CNTLN: variants seen among roughly 807,000 people sequenced by gnomAD.
CNTLN encodes the protein centlein, also known as centlein, centrosomal protein.
Under a neutral mutation model 180.0 loss-of-function variants are expected in CNTLN, and 212 were observed. The ratio of observed to expected loss-of-function variants is 1.18; its 90% confidence interval spans 1.05 to 1.32. CNTLN has a LOEUF of 1.32. Ranked by LOEUF, CNTLN falls within the 40% of genes most tolerant of loss-of-function variation. The probability of loss-of-function intolerance (pLI) is 0.00; values close to 1 mark genes in which losing one functional copy is unlikely to be tolerated. For missense variants in CNTLN, 2,095 were observed against 1,610.9 expected (o/e 1.30, Z -5.14); for synonymous variants, 722 against 563.1 (o/e 1.28, Z -3.99).
At chr9:17,303,333 G>A (rs1297179067) in intron 7 of CNTLN, among the ~76,000 whole-genome samples, 1 of 152,046 alleles carries the variant, frequency 6.6e-6, no homozygotes, top group African/African-American at 2.4e-5. Flanking sequence ...TCTAATGTTG[G>A]AATATTTATC....
chr9:17,152,152 C>G (rs1818932684), intron 2 of CNTLN, among the ~76,000 whole-genome samples: 1 of 152,150 alleles, frequency 6.6e-6, no homozygotes, highest in Non-Finnish European at 1.5e-5. Flanking sequence ...TTTTGTGTCT[C>G]TATTTCCTTC....
intron 12 of CNTLN, among the ~76,000 whole-genome samples, chr9:17,362,103 T>G (rs1394609767): frequency 6.6e-6 from 1 of 152,206 alleles, no homozygotes; most frequent in Non-Finnish European, 1.5e-5. Context: ...GGACTGTGTG[T>G]GTTCTTTCCA....
At chr9:17,283,230 T>C (rs1264636522) in intron 6 of CNTLN, among the ~76,000 whole-genome samples, 1 of 152,188 alleles carries the variant, frequency 6.6e-6, no homozygotes, top group Non-Finnish European at 1.5e-5. Context: ...GCATGGAATG[T>C]TTTTTCATTT....
chr9:17,331,672 T>G (rs1342325725), intron 9 of CNTLN, among the ~76,000 whole-genome samples: 1 of 152,018 alleles, frequency 6.6e-6, no homozygotes, highest in Non-Finnish European at 1.5e-5. Context: ...GAACCATGTT[T>G]CTGTGGTACT....
Position 17,253,228 on chromosome 9 carries a change from C to A in CNTLN, c.849+16640C>A, listed in dbSNP as rs149787187. On this transcript the variant is annotated intron_variant, in intron 5 of 25. Transcript: ENST00000380647. The stretch of plus-strand genomic sequence containing the variant: ...TCATACCTCCAGCTTGGTTCTTTTG[C>A]TCAGGATTGCTTTGGGTATTCAGGC... Among the ~76,000 whole-genome samples, 289 of 151,822 alleles carry A rather than the reference C, an allele frequency of 1.9e-3. 1 individual carries two copies. Among genetic ancestry groups the A allele is most frequent in the African/African-American group, 6.7e-3 (280 of 41,500 alleles).
At position 17,305,100 on chromosome 9, in the gene CNTLN, G is replaced by A. The variant is rs140396831; in HGVS notation, c.1147-3958G>A. 5.0e-3 allele frequency among the ~76,000 whole-genome samples: 761 copies of A among 152,048 alleles called. 4 individuals carry two copies. Among genetic ancestry groups the A allele is most frequent in the African/African-American group, 0.017 (699 of 41,508 alleles). On this transcript the variant is annotated intron_variant, in intron 7 of 25. Coordinates refer to ENST00000380647, the MANE Select transcript of CNTLN (RefSeq NM_017738.4). ...GTTCTTTAACACTAATAAAATATTC[G>A]AAAAGGCGTTCTTCAGTCTAAGCCC... is the stretch of plus-strand genomic sequence containing the variant.
At chr9:17,315,700 T>A (rs956453810) in intron 8 of CNTLN, among the ~76,000 whole-genome samples, 3 of 152,076 alleles carry the variant, frequency 2.0e-5, no homozygotes, top group African/African-American at 4.8e-5. Flanking sequence ...TGAACCTTGA[T>A]GTTTCCTTGA....
At chr9:17,509,119 G>A in the CNTLN span, among the ~76,000 whole-genome samples, 17 of 152,332 alleles carry the variant, frequency 1.1e-4, no homozygotes, top group Admixed American at 2.6e-4. Flanking sequence ...GGCCATGGTG[G>A]CAGGGATAGA....
At chr9:17,201,934 C>T (rs1443969296) in intron 2 of CNTLN, among the ~76,000 whole-genome samples, 1 of 152,078 alleles carries the variant, frequency 6.6e-6, no homozygotes, top group South Asian at 2.1e-4. Flanking sequence ...GTTAGGGTGT[C>T]GATTTTAGAT....
chr9:17,302,013 A>G (rs1182735672), intron 7 of CNTLN: 9 of 984,018 alleles, frequency 9.1e-6, no homozygotes, highest in East Asian at 2.3e-4. Context: ...ACTATTGTAA[A>G]TAAAGCTGCA....
chr9:17,270,059 G>A (rs574152364), intron 5 of CNTLN, among the ~76,000 whole-genome samples: 2 of 151,812 alleles, frequency 1.3e-5, no homozygotes, highest in East Asian at 3.9e-4. Flanking sequence ...TGTTTTTTTG[G>A]TGGAAGATCA....
intron 2 of CNTLN, among the ~76,000 whole-genome samples, chr9:17,164,647 A>C (rs147481262): frequency 6.6e-6 from 1 of 150,756 alleles, no homozygotes; most frequent in Non-Finnish European, 1.5e-5. Flanking sequence ...GGGTTTCACT[A>C]TGTTGGCCAG....
At chr9:17,293,830 G>T (rs1327730121) in intron 6 of CNTLN, among the ~76,000 whole-genome samples, 3 of 152,166 alleles carry the variant, frequency 2.0e-5, no homozygotes, top group African/African-American at 7.2e-5. Context: ...AATCTGGACA[G>T]CTCTGCACTT....
At chr9:17,408,251 T>C (rs1827558542) in intron 15 of CNTLN, among the ~76,000 whole-genome samples, 1 of 151,672 alleles carries the variant, frequency 6.6e-6, no homozygotes, top group Non-Finnish European at 1.5e-5. Flanking sequence ...CATATAATGA[T>C]GTCTAAATAG....
intron 19 of CNTLN, among the ~76,000 whole-genome samples, chr9:17,459,781 C>A (rs1045717378): frequency 5.3e-5 from 8 of 151,590 alleles, no homozygotes; most frequent in Admixed American, 4.6e-4. Context: ...CCTAATTTCC[C>A]TTTTTATAAA....
chr9:17,463,064 C>CCAGCT (rs754458014), intron 20 of CNTLN, 51 bp downstream of exon 20: 1 of 1,070,714 alleles, frequency 9.3e-7, no homozygotes, highest in Non-Finnish European at 1.4e-6. Context: ...CTAGTGGCAA[C>CCAGCT]CAGCTCTATT....
the CNTLN span, among the ~76,000 whole-genome samples, chr9:17,522,884 T>C: frequency 2.6e-5 from 4 of 151,682 alleles, no homozygotes; most frequent in African/African-American, 9.8e-5. Flanking sequence ...TGTCTACTTC[T>C]CCAAGTACCA....
chr9:17,213,349 C>T (rs1823475367), intron 2 of CNTLN, among the ~76,000 whole-genome samples: 1 of 152,154 alleles, frequency 6.6e-6, no homozygotes, highest in Admixed American at 6.6e-5. Flanking sequence ...GTTCAGTTTC[C>T]ATGTAGTTGA....
intron 2 of CNTLN, among the ~76,000 whole-genome samples, chr9:17,213,080 T>A (rs1157652997): frequency 6.6e-6 from 1 of 152,228 alleles, no homozygotes; most frequent in East Asian, 1.9e-4. Context: ...ATCTTACTTA[T>A]TTCTCGCCTT....
Sources: gnomAD v4.1 joint callset for allele counts (sites outside exome capture counted in the v4.1 genomes callset) on GRCh38, gnomAD v4.1.1 for gene constraint, MANE v1.5 for transcripts, NCBI Gene and HGNC (gene_info 2026-07-23, HGNC 2026-07-21) for gene names.